Variants in ZFHX4 observed in about 807,000 individuals in gnomAD.
ZFHX4 encodes zinc finger homeobox 4, also known as zinc finger homeobox protein 4.
In ZFHX4, 56 loss-of-function variants were observed where a neutral mutation model predicts 267.6. That is an observed-to-expected ratio of 0.21 (90% CI 0.17 to 0.26). The LOEUF is 0.26. ZFHX4 is among the 10% of genes least tolerant of loss of function. The probability of loss-of-function intolerance (pLI) is 1.00; values close to 1 mark genes in which losing one functional copy is unlikely to be tolerated. For synonymous variants in ZFHX4, 1,778 were observed against 1,665.6 expected (o/e 1.07, Z -1.64); for missense variants, 4,332 against 4,420.0 (o/e 0.98, Z 0.56).
chr8:76,856,322 C>CA, intron 10 of ZFHX4, 22 bp downstream of exon 10: 1 of 1,611,918 alleles, frequency 6.2e-7, no homozygotes, highest in Non-Finnish European at 8.5e-7. Context: ...AAAGGAGACT[C>CA]AGTCTAGTTA....
intron 3 of ZFHX4, among the ~76,000 whole-genome samples, chr8:76,767,413 G>T (rs1810079422): frequency 6.6e-6 from 1 of 152,100 alleles, no homozygotes. Context: ...CGGAGACACA[G>T]CTTGGGAACT....
At chr8:76,785,171 A>C (rs1810653883) in intron 4 of ZFHX4, among the ~76,000 whole-genome samples, 1 of 152,158 alleles carries the variant, frequency 6.6e-6, no homozygotes, top group Non-Finnish European at 1.5e-5. Context: ...ATCATTTTCT[A>C]TAATGAAGAA....
chr8:76,821,958 C>G (rs900681349), intron 4 of ZFHX4, among the ~76,000 whole-genome samples: 3 of 151,878 alleles, frequency 2.0e-5, no homozygotes, highest in Non-Finnish European at 4.4e-5. Context: ...TCCTCTCTTC[C>G]CCTCCACTTG....
At chr8:76,780,435 A>G (rs1224877423) in intron 4 of ZFHX4, among the ~76,000 whole-genome samples, 1 of 152,198 alleles carries the variant, frequency 6.6e-6, no homozygotes, top group East Asian at 1.9e-4. Context: ...AAATGATATC[A>G]GTAGGGAAAA....
intron 3 of ZFHX4, among the ~76,000 whole-genome samples, chr8:76,740,374 G>A (rs1451134875): frequency 6.6e-6 from 1 of 151,836 alleles, no homozygotes; most frequent in Admixed American, 6.6e-5. Context: ...AGGGAAAGAA[G>A]AGTATAAAAT....
intron 1 of ZFHX4, among the ~76,000 whole-genome samples, chr8:76,700,781 A>G (rs1018000689): frequency 2.6e-5 from 4 of 152,142 alleles, no homozygotes; most frequent in Non-Finnish European, 4.4e-5. Context: ...TAGCATTAAA[A>G]CTATGTTAGG....
chr8:76,851,935 A>T lies in ZFHX4; in HGVS notation c.5014A>T (p.Lys1672Ter). ...DTHLDAKELN[K>*]KQTPDLISAQ... Reference sequence around the variant, plus strand: ...CCATTTAGATGCCAAAGAATTAAATAAAAAGCAAACTCCTGATTTAATCTC... The same window carrying T: ...CCATTTAGATGCCAAAGAATTAAATTAAAAGCAAACTCCTGATTTAATCTC... Residue 1672 changes from lysine to a stop codon, truncating the protein, a stop_gained, in exon 10 of 11, where the codon AAA becomes TAA. Transcript: ENST00000651372. LOFTEE classifies it high-confidence loss of function. The T allele has an allele frequency of 6.2e-7, 1 of 1,614,028 alleles. No homozygotes were observed. The highest frequency in any genetic ancestry group is 8.5e-7 in the Non-Finnish European group (1 of 1,179,888).
Position 76,855,911 on chromosome 8 carries a change from T to C in ZFHX4, c.8990T>C (p.Ile2997Thr). The C allele has an allele frequency of 6.2e-7, 1 of 1,613,896 alleles. No individual in the cohort carries two copies. ...FKINIGKPFM[I>T]NQGGTEGTKP... ...ATTAACATAGGGAAGCCTTTCATGA[T>C]CAATCAAGGCGGAACGGAAGGCACC... is the stretch of plus-strand genomic sequence containing the variant. Residue 2997 changes from isoleucine (I) to threonine (T), a missense_variant, in exon 10 of 11, where the codon ATC (isoleucine) becomes ACC (threonine). Ile to Thr is a moderately conservative substitution (Grantham distance 89). This residue lies in a region of ZFHX4 where 1,648 missense variants were observed against 1,625.0 expected (regional missense o/e 1.01). Coordinates refer to ENST00000651372, the MANE Select transcript of ZFHX4 (RefSeq NM_024721.5).
intron 6 of ZFHX4, among the ~76,000 whole-genome samples, chr8:76,847,659 C>A (rs1003756249): frequency 6.6e-6 from 1 of 151,964 alleles, no homozygotes; most frequent in Admixed American, 6.6e-5. Context: ...TTTCATATTT[C>A]TTTCTGAATT....
At chr8:76,708,097 A>T (rs1352925534) in intron 3 of ZFHX4, 49 bp downstream of exon 3, 2 of 1,605,392 alleles carry the variant, frequency 1.2e-6, no homozygotes, top group Non-Finnish European at 1.7e-6. Context: ...AAAGGGAATT[A>T]ACTCTTTCAG....
chr8:76,812,521 T>C (rs75385915), intron 4 of ZFHX4, among the ~76,000 whole-genome samples: 6,956 of 152,270 alleles, frequency 0.046, 264 homozygotes, highest in African/African-American at 0.1. Flanking sequence ...TTAAATTTCT[T>C]ATACAGTAAG....
chr8:76,704,620 G>C lies in ZFHX4; in HGVS notation c.532G>C (p.Asp178His). The change falls in exon 2 of 11, where the codon GAT (aspartate) becomes CAT (histidine). Residue 178 changes from aspartate (D) to histidine (H), a missense_variant. This residue lies in a region of ZFHX4 where 1,195 missense variants were observed against 1,173.6 expected (regional missense o/e 1.02). Transcript: ENST00000651372. Reference protein sequence around the residue: ...DSLASAGEKSDQSASAPMSFY... With the variant: ...DSLASAGEKSHQSASAPMSFY... The stretch of plus-strand genomic sequence containing the variant: ...CCTGGCATCTGCTGGAGAGAAGAGT[G>C]ATCAGTCTGCTTCTGCACCTATGTC... 1 of 1,613,970 alleles carries C rather than the reference G, an allele frequency of 6.2e-7. No individual in the cohort carries two copies. The highest frequency in any genetic ancestry group is 8.5e-7 in the Non-Finnish European group (1 of 1,179,892).
chr8:76,798,970 G>A (rs990510848), intron 4 of ZFHX4, among the ~76,000 whole-genome samples: 2 of 152,128 alleles, frequency 1.3e-5, no homozygotes, highest in Non-Finnish European at 2.9e-5. Flanking sequence ...TATTCAAAAG[G>A]ACATGTAAAG....
chr8:76,714,106 T>C (rs1046557558), intron 3 of ZFHX4, among the ~76,000 whole-genome samples: 1 of 152,218 alleles, frequency 6.6e-6, no homozygotes, highest in Admixed American at 6.5e-5. Context: ...AAATTGCTCA[T>C]TTATCACCCA....
At chr8:76,738,920 G>A (rs894602077) in intron 3 of ZFHX4, among the ~76,000 whole-genome samples, 1 of 151,978 alleles carries the variant, frequency 6.6e-6, no homozygotes, top group Non-Finnish European at 1.5e-5. Flanking sequence ...TTACCATGTT[G>A]CCCAGGCTGG....
intron 4 of ZFHX4, among the ~76,000 whole-genome samples, chr8:76,828,266 TA>T (rs1363503626): frequency 1.3e-5 from 2 of 152,048 alleles, no homozygotes; most frequent in African/African-American, 2.4e-5. Context: ...CGATGTGAGC[TA>T]TTTTTTTTTT....
intron 10 of ZFHX4, among the ~76,000 whole-genome samples, chr8:76,860,078 A>G (rs957952988): frequency 1.3e-5 from 2 of 152,096 alleles, no homozygotes; most frequent in Non-Finnish European, 2.9e-5. Context: ...CACGCATTTA[A>G]TTGTAAATTA....
At chr8:76,740,123 G>T (rs1809277065) in intron 3 of ZFHX4, among the ~76,000 whole-genome samples, 1 of 152,138 alleles carries the variant, frequency 6.6e-6, no homozygotes, top group African/African-American at 2.4e-5. Context: ...ACTTTATTTT[G>T]TATGTGTTTT....
intron 3 of ZFHX4, among the ~76,000 whole-genome samples, chr8:76,720,162 C>G (rs1808680558): frequency 6.6e-6 from 1 of 152,124 alleles, no homozygotes; most frequent in African/African-American, 2.4e-5. Context: ...CAGCTTCCCA[C>G]CCTTATCCCC....
Sources: gnomAD v4.1 joint callset for allele counts (sites outside exome capture counted in the v4.1 genomes callset) on GRCh38, gnomAD v4.1.1 for gene constraint, gnomAD v4.1.1 regional missense constraint, MANE v1.5 for transcripts, NCBI Gene and HGNC (gene_info 2026-07-23, HGNC 2026-07-21) for gene names.